Variants in ARHGAP24 observed in about 807,000 individuals in gnomAD.
ARHGAP24 encodes the protein rho GTPase-activating protein 24.
In ARHGAP24, 50 loss-of-function variants were observed where a neutral mutation model predicts 76.4. The ratio of observed to expected loss-of-function variants is 0.65; its 90% CI spans 0.52 to 0.83. The LOEUF is 0.83. ARHGAP24 is among the 40% of genes least tolerant of loss of function. The pLI is 0.00. For synonymous variants in ARHGAP24, 345 were observed against 323.3 expected (o/e 1.07, Z -0.72); for missense variants, 930 against 914.2 (o/e 1.02, Z -0.22).
intron 3 of ARHGAP24, among the ~76,000 whole-genome samples, chr4:85,887,375 A>G (rs1733621521): frequency 6.6e-6 from 1 of 152,170 alleles, no homozygotes; most frequent in African/African-American, 2.4e-5. Flanking sequence ...ATTAAGAATT[A>G]TTAATCAAAG....
intron 3 of ARHGAP24, among the ~76,000 whole-genome samples, chr4:85,844,951 A>C (rs759445475): frequency 6.6e-5 from 10 of 152,212 alleles, no homozygotes; most frequent in Non-Finnish European, 5.9e-5. Flanking sequence ...TGAAAATGTC[A>C]TGGTGCATGG....
intron 1 of ARHGAP24, among the ~76,000 whole-genome samples, chr4:85,551,387 C>T (rs1726130816): frequency 6.6e-6 from 1 of 152,164 alleles, no homozygotes. Context: ...CCTACTTGAT[C>T]ATGGTGGATT....
intron 7 of ARHGAP24, among the ~76,000 whole-genome samples, chr4:85,977,284 T>G (rs1223203672): frequency 6.6e-6 from 1 of 152,106 alleles, no homozygotes; most frequent in Non-Finnish European, 1.5e-5. Flanking sequence ...GACTCTCAAG[T>G]CCATATTAGT....
At position 85,485,392 on chromosome 4, in the gene ARHGAP24, T is replaced by A. The variant is rs865831728; in HGVS notation, c.-21+9833T>A. Among the ~76,000 whole-genome samples the A allele has an allele frequency of 1.5e-3, 159 of 103,858 alleles. 2 individuals carry two copies. The highest frequency in any genetic ancestry group is 3.7e-3 in the African/African-American group (93 of 25,190). 68.1% of individuals were successfully genotyped at this position (103,858 alleles called of 152,430 possible). ...AAAAAAAAAAATATATATATATATA[T>A]ATATATATATATATATATATATCTC... On this transcript the variant is annotated intron_variant, in intron 1 of 9. Transcript: ENST00000395184.
chr4:85,714,418 G>A (rs1457651311), intron 2 of ARHGAP24, among the ~76,000 whole-genome samples: 4 of 152,002 alleles, frequency 2.6e-5, no homozygotes, highest in Non-Finnish European at 5.9e-5. Flanking sequence ...AGCCCAGAAT[G>A]ATAATGCTTC....
At chr4:85,539,752 G>A (rs1363539496) in intron 1 of ARHGAP24, among the ~76,000 whole-genome samples, 1 of 152,132 alleles carries the variant, frequency 6.6e-6, no homozygotes, top group Non-Finnish European at 1.5e-5. Flanking sequence ...TGTTTCTGAA[G>A]GAGTGACAGA....
At chr4:85,896,736 C>T (rs1474642371) in intron 3 of ARHGAP24, among the ~76,000 whole-genome samples, 1 of 152,144 alleles carries the variant, frequency 6.6e-6, no homozygotes, top group African/African-American at 2.4e-5. Context: ...CCCAATATTG[C>T]AATAGTCATT....
At chr4:85,937,971 T>A (rs150006205) in intron 4 of ARHGAP24, among the ~76,000 whole-genome samples, 10 of 152,308 alleles carry the variant, frequency 6.6e-5, no homozygotes, top group East Asian at 3.9e-4. Context: ...TCAAGAAGAA[T>A]GAAATATGAA....
At chr4:85,636,181 C>A (rs1171771545) in intron 2 of ARHGAP24, among the ~76,000 whole-genome samples, 1 of 151,746 alleles carries the variant, frequency 6.6e-6, no homozygotes, top group African/African-American at 2.4e-5. Flanking sequence ...ATTGCACTTT[C>A]CTTGTTTTTT....
At position 85,570,894 on chromosome 4, in the gene ARHGAP24, G is replaced by T. The variant is rs963197796; in HGVS notation, c.180+173G>T. The T allele has an allele frequency of 1.2e-5, 8 of 683,878 alleles. No individual in the cohort carries two copies. The African/African-American group carries it at 1.4e-4, about 12-fold the overall frequency. 42.4% of individuals were successfully genotyped at this position (683,878 alleles called of 1,614,324 possible). A position where few individuals can be genotyped will look rare whatever the true frequency, so the allele number is the denominator to read the frequency against. On this transcript the variant is annotated intron_variant, in intron 2 of 9. Coordinates refer to ENST00000395184, the MANE Select transcript of ARHGAP24 (RefSeq NM_001025616.3). The stretch of plus-strand genomic sequence containing the variant: ...GCTTTGAGTTGGAGATAATAAAATC[G>T]CTAATTGAGGCCAAGAGGCAAATTA...
At chr4:85,868,297 T>C (rs538335330) in intron 3 of ARHGAP24, among the ~76,000 whole-genome samples, 36 of 152,232 alleles carry the variant, frequency 2.4e-4, no homozygotes, top group Non-Finnish European at 7.4e-5. Context: ...TCATATTATG[T>C]AGATGAAGTC....
chr4:85,827,734 A>G, intron 3 of ARHGAP24: 1 of 356,500 alleles, frequency 2.8e-6, no homozygotes, highest in Non-Finnish European at 5.5e-6. Context: ...GTGACCTTGC[A>G]GGACTCAGCG....
intron 1 of ARHGAP24, among the ~76,000 whole-genome samples, chr4:85,534,679 A>G (rs1007697133): frequency 6.6e-6 from 1 of 152,226 alleles, no homozygotes; most frequent in Non-Finnish European, 1.5e-5. Flanking sequence ...CCACATTGCC[A>G]TATTGTTCTA....
chr4:85,866,396 C>T (rs960652087), intron 3 of ARHGAP24, among the ~76,000 whole-genome samples: 1 of 152,108 alleles, frequency 6.6e-6, no homozygotes, highest in Non-Finnish European at 1.5e-5. Context: ...CCTTGGCTTA[C>T]CCTGCCTGCC....
intron 2 of ARHGAP24, among the ~76,000 whole-genome samples, chr4:85,654,210 G>T (rs563363865): frequency 6.6e-6 from 1 of 152,216 alleles, no homozygotes; most frequent in South Asian, 2.1e-4. Context: ...CTCTTTCCTT[G>T]GCTTGCAGAT....
rs575865027 is a variant in ARHGAP24, at chr4:85,506,724, G to C, written c.-21+31165G>C. Among the ~76,000 whole-genome samples, 9 of 152,354 alleles carry C rather than the reference G, an allele frequency of 5.9e-5. No homozygotes were observed. In the South Asian group the frequency reaches 1.9e-3, roughly 32 times the overall value. On this transcript the variant is annotated intron_variant, in intron 1 of 9. Coordinates refer to ENST00000395184, the MANE Select transcript of ARHGAP24 (RefSeq NM_001025616.3). ...CCTGGGTGAGGCAATGCCCCGCCCTGCTTCGACTCACCCTCTGTGGGCTGC... is the reference window on the plus strand; with the variant it reads ...CCTGGGTGAGGCAATGCCCCGCCCTCCTTCGACTCACCCTCTGTGGGCTGC...
Position 85,724,644 on chromosome 4 carries a change from C to A in ARHGAP24, c.268+2672C>A, listed in dbSNP as rs149399565. Among the ~76,000 whole-genome samples the A allele has an allele frequency of 5.3e-3, 803 of 151,526 alleles. 7 individuals are homozygous for A. Among genetic ancestry groups the A allele is most frequent in the African/African-American group, 0.018 (759 of 41,258 alleles). On this transcript the variant is annotated intron_variant, in intron 3 of 9. Coordinates refer to ENST00000395184, the MANE Select transcript of ARHGAP24 (RefSeq NM_001025616.3). ...TTCAATAAAATTGAGCGTCTCAGGT[C>A]TTTGTGTATTACTTATTTATATTTG... is the stretch of plus-strand genomic sequence containing the variant.
chr4:85,939,953 T>G (rs1411212824), intron 4 of ARHGAP24, among the ~76,000 whole-genome samples: 1 of 152,042 alleles, frequency 6.6e-6, no homozygotes, highest in Admixed American at 6.5e-5. Context: ...TGTCAACATA[T>G]TATTTTCTTA....
chr4:85,519,462 C>T (rs1388471677), intron 1 of ARHGAP24, among the ~76,000 whole-genome samples: 3 of 152,088 alleles, frequency 2.0e-5, no homozygotes, highest in Admixed American at 6.6e-5. Flanking sequence ...AGACTTAGTT[C>T]ATTGTTTACC....
Sources: allele counts gnomAD v4.1 joint callset (sites outside exome capture counted in the v4.1 genomes callset), GRCh38; gene constraint gnomAD v4.1.1; transcripts MANE v1.5; gene names NCBI Gene and HGNC (gene_info 2026-07-23, HGNC 2026-07-21).